Variants in VPS8 observed in about 807,000 individuals in gnomAD.
The protein encoded by VPS8 is VPS8 subunit of CORVET complex.
A neutral mutation model predicts 216.4 loss-of-function variants in VPS8; 129 were observed. The observed-to-expected ratio is 0.60, with a 90% CI of 0.52 to 0.69. The LOEUF (loss-of-function observed/expected upper bound fraction) is 0.69. Ranked by LOEUF, VPS8 falls within the 30% of genes least tolerant of loss-of-function variation. The pLI is 0.00. For missense variants in VPS8, 1,531 were observed against 1,683.5 expected (o/e 0.91, Z 1.59); for synonymous variants, 571 against 565.4 (o/e 1.01, Z -0.14).
intron 37 of VPS8, among the ~76,000 whole-genome samples, chr3:184,960,645 CTT>C (rs968234400): frequency 6.6e-6 from 1 of 152,100 alleles, no homozygotes; most frequent in African/African-American, 2.4e-5. Flanking sequence ...TGTATTCTCT[CTT>C]TTTTGTATGC....
At chr3:184,821,868 T>C (rs1449449187) in intron 1 of VPS8, among the ~76,000 whole-genome samples, 1 of 152,124 alleles carries the variant, frequency 6.6e-6, no homozygotes, top group Non-Finnish European at 1.5e-5. Context: ...TGGAAATATC[T>C]CTTCCTCATC....
At chr3:184,945,541 G>A (rs141637220) in intron 36 of VPS8, among the ~76,000 whole-genome samples, 116 of 152,122 alleles carry the variant, frequency 7.6e-4, no homozygotes, top group African/African-American at 2.7e-3. Context: ...ACCACACCGC[G>A]CAGAAACAGT....
chr3:184,948,289 GA>G (rs1305440918), intron 36 of VPS8, among the ~76,000 whole-genome samples: 1 of 149,540 alleles, frequency 6.7e-6, no homozygotes, highest in Non-Finnish European at 1.5e-5. Context: ...ACCTTTAAAA[GA>G]CTCTACAGGC....
At chr3:185,048,873 T>C (rs1027503348) in intron 47 of VPS8, among the ~76,000 whole-genome samples, 1 of 152,198 alleles carries the variant, frequency 6.6e-6, no homozygotes, top group Non-Finnish European at 1.5e-5. Flanking sequence ...TTGCTTAGGA[T>C]ATGGATAGGT....
intron 25 of VPS8, among the ~76,000 whole-genome samples, chr3:184,903,957 G>A (rs949889190): frequency 2.6e-5 from 4 of 151,798 alleles, no homozygotes; most frequent in African/African-American, 7.3e-5. Context: ...TAATGTATAG[G>A]TCATATACTC....
intron 47 of VPS8, among the ~76,000 whole-genome samples, chr3:185,049,302 T>C (rs1295717966): frequency 6.6e-6 from 1 of 152,176 alleles, no homozygotes; most frequent in Non-Finnish European, 1.5e-5. Flanking sequence ...CCAGGCACTT[T>C]GGACATGTAC....
intron 45 of VPS8, among the ~76,000 whole-genome samples, chr3:185,004,025 A>G (rs1246096534): frequency 1.3e-5 from 2 of 152,076 alleles, no homozygotes; most frequent in East Asian, 3.9e-4. Context: ...GACGCTCCTC[A>G]CTTTCCAGAC....
intron 35 of VPS8, among the ~76,000 whole-genome samples, chr3:184,937,980 A>G (rs1236482393): frequency 6.6e-6 from 1 of 152,214 alleles, no homozygotes; most frequent in African/African-American, 2.4e-5. Context: ...CTTTAAAGCT[A>G]AAGAGCAGTA....
intron 21 of VPS8, among the ~76,000 whole-genome samples, chr3:184,875,914 C>T (rs547511334): frequency 9.2e-5 from 14 of 151,416 alleles, no homozygotes; most frequent in African/African-American, 2.7e-4. Context: ...CACTTGAGCC[C>T]GGGAGGTTGA....
intron 38 of VPS8, among the ~76,000 whole-genome samples, 162 bp downstream of exon 38, chr3:184,964,719 G>A (rs1463352544): frequency 6.6e-6 from 1 of 151,844 alleles, no homozygotes; most frequent in Non-Finnish European, 1.5e-5. Flanking sequence ...ATATTTCTTT[G>A]TGGTACTTTT....
intron 46 of VPS8, among the ~76,000 whole-genome samples, chr3:185,041,064 G>A (rs922560898): frequency 4.3e-4 from 66 of 152,230 alleles, no homozygotes; most frequent in African/African-American, 1.5e-3. Flanking sequence ...AATTAGCTGG[G>A]CATGGTGGTA....
intron 45 of VPS8, among the ~76,000 whole-genome samples, chr3:185,017,156 T>A (rs1755921550): frequency 6.6e-6 from 1 of 152,102 alleles, no homozygotes; most frequent in South Asian, 2.1e-4. Flanking sequence ...AAGTTATAAT[T>A]GGTTGAATAG....
In VPS8 at chr3:184,849,139, G is replaced by A; in HGVS notation, c.610G>A (p.Ala204Thr). 6.2e-7 allele frequency: 1 copy of A among 1,613,570 alleles called. No homozygotes were observed. Among genetic ancestry groups the A allele is most frequent in the Non-Finnish European group, 8.5e-7 (1 of 1,179,622 alleles). ...TGGAGGTCAGTATGGCGCTATCTCT[G>A]CCCTCAGTATCAACAATGATTGCTC... ...SVGGQYGAIS[A>T]LSINNDCSRL... Residue 204 changes from alanine to threonine, a missense_variant, in exon 9 of 48, where the codon GCC becomes ACC. By Grantham distance (58) the Ala-to-Thr change is moderately conservative (BLOSUM62 0). This residue lies in a region of VPS8 where 1,318 missense variants were observed against 1,468.4 expected (regional missense o/e 0.90). Transcript: ENST00000625842.
intron 36 of VPS8, among the ~76,000 whole-genome samples, chr3:184,951,637 G>C (rs1209083282): frequency 6.6e-6 from 1 of 152,176 alleles, no homozygotes; most frequent in East Asian, 1.9e-4. Flanking sequence ...TTCTGTAGTA[G>C]GCAGGGTTTG....
chr3:184,982,959 A>C lies in VPS8; in HGVS notation c.3503-53A>C. 4 of 1,462,348 alleles carry C rather than the reference A, an allele frequency of 2.7e-6. 1 individual carries two copies. In the South Asian group the frequency reaches 5.6e-5, roughly 20 times the overall value. 90.6% of individuals were successfully genotyped at this position (1,462,348 alleles called of 1,614,324 possible). A position where few individuals can be genotyped will look rare whatever the true frequency, so the allele number is the denominator to read the frequency against. Reference sequence around the variant, plus strand: ...GTTTTTCCACAGACTTATAGGAAAAACTGAAAACTCTTATTTTAAACTAAC... The same window carrying C: ...GTTTTTCCACAGACTTATAGGAAAACCTGAAAACTCTTATTTTAAACTAAC... On this transcript the variant is annotated intron_variant, in intron 41 of 47. Transcript: ENST00000625842.
intron 40 of VPS8, among the ~76,000 whole-genome samples, chr3:184,975,176 C>G (rs1749057191): frequency 6.6e-6 from 1 of 151,954 alleles, no homozygotes; most frequent in African/African-American, 2.4e-5. Context: ...TTCTTCTGAT[C>G]CATGAGCATG....
At chr3:184,908,926 A>G (rs1735983981) in intron 25 of VPS8, among the ~76,000 whole-genome samples, 1 of 152,250 alleles carries the variant, frequency 6.6e-6, no homozygotes, top group Non-Finnish European at 1.5e-5. Context: ...ATTGGTTAAA[A>G]GGCATTATTC....
intron 46 of VPS8, among the ~76,000 whole-genome samples, chr3:185,046,170 G>A (rs1340345335): frequency 6.6e-6 from 1 of 152,196 alleles, no homozygotes; most frequent in East Asian, 1.9e-4. Context: ...TCCTTGGGGA[G>A]GTTTAGTGGT....
intron 45 of VPS8, among the ~76,000 whole-genome samples, chr3:185,008,468 C>T (rs550854232): frequency 1.1e-4 from 16 of 152,156 alleles, no homozygotes; most frequent in Non-Finnish European, 2.1e-4. Flanking sequence ...ATTAGGTAAA[C>T]AAGCATTATA....
Sources: gnomAD v4.1 joint callset for allele counts (sites outside exome capture counted in the v4.1 genomes callset) on GRCh38, gnomAD v4.1.1 for gene constraint, gnomAD v4.1.1 regional missense constraint, MANE v1.5 for transcripts, NCBI Gene and HGNC (gene_info 2026-07-23, HGNC 2026-07-21) for gene names.